The following CNTN5 variants were observed in gnomAD, a reference collection of about 807,000 sequenced individuals.
CNTN5 encodes contactin 5, also known as contactin-5.
Under a neutral mutation model 129.1 loss-of-function variants are expected in CNTN5, and 77 were observed. That is an observed-to-expected ratio of 0.60 (90% CI 0.50 to 0.72). The LOEUF (loss-of-function observed/expected upper bound fraction) is 0.72. CNTN5 is among the 30% of genes least tolerant of loss of function. CNTN5 has a pLI of 0.00. For synonymous variants in CNTN5, 509 were observed against 465.6 expected (o/e 1.09, Z -1.20); for missense variants, 1,478 against 1,328.8 (o/e 1.11, Z -1.75).
chr11:100,278,902 T>C (rs1243324202), intron 18 of CNTN5, among the ~76,000 whole-genome samples: 6 of 151,950 alleles, frequency 3.9e-5, no homozygotes, highest in Non-Finnish European at 7.4e-5. Context: ...AGGAAAGACT[T>C]TCAGTCTTTC....
intron 1 of CNTN5, among the ~76,000 whole-genome samples, chr11:99,209,235 A>T (rs1175387918): frequency 1.3e-5 from 2 of 151,848 alleles, no homozygotes; most frequent in African/African-American, 4.9e-5. Context: ...GTGTTAGGCC[A>T]TTCTTGCCTT....
intron 2 of CNTN5, among the ~76,000 whole-genome samples, chr11:99,399,599 G>A (rs1305272748): frequency 1.6e-4 from 3 of 18,444 alleles, no homozygotes; most frequent in Admixed American, 9.3e-4. Flanking sequence ...GGTATATAAG[G>A]CAAAGGGCTT....
chr11:99,688,268 T>G (rs1953879655), intron 3 of CNTN5, among the ~76,000 whole-genome samples: 2 of 152,160 alleles, frequency 1.3e-5, no homozygotes, highest in African/African-American at 4.8e-5. Context: ...TCTTGAACTC[T>G]TAGCCTTAAG....
At chr11:99,768,122 C>T (rs917285954) in intron 3 of CNTN5, among the ~76,000 whole-genome samples, 2 of 152,140 alleles carry the variant, frequency 1.3e-5, no homozygotes, top group African/African-American at 2.4e-5. Context: ...AAATATCTAC[C>T]ATCTGTCCTT....
chr11:99,910,994 G>A (rs778504352), intron 6 of CNTN5, among the ~76,000 whole-genome samples: 11 of 152,078 alleles, frequency 7.2e-5, no homozygotes, highest in South Asian at 2.1e-4. Flanking sequence ...AAACTTGTCC[G>A]TTGTTTTTAC....
intron 13 of CNTN5, among the ~76,000 whole-genome samples, chr11:100,166,035 C>G (rs1250965697): frequency 2.0e-5 from 3 of 151,664 alleles, no homozygotes; most frequent in Admixed American, 6.6e-5. Flanking sequence ...AGTTTACCTT[C>G]TAAATGATTG....
chr11:99,470,450 T>C (rs1040893981), intron 2 of CNTN5, among the ~76,000 whole-genome samples: 5 of 152,208 alleles, frequency 3.3e-5, no homozygotes, highest in African/African-American at 1.2e-4. Flanking sequence ...TTCATTTATA[T>C]ATTTACTTTG....
At chr11:99,873,978 G>A (rs971300854) in intron 6 of CNTN5, among the ~76,000 whole-genome samples, 8 of 152,010 alleles carry the variant, frequency 5.3e-5, no homozygotes, top group Non-Finnish European at 1.0e-4. Context: ...ATCAAATATT[G>A]CACATTCTCA....
intron 9 of CNTN5, among the ~76,000 whole-genome samples, chr11:100,003,159 T>C (rs1169741785): frequency 1.3e-5 from 2 of 152,142 alleles, no homozygotes; most frequent in Non-Finnish European, 2.9e-5. Context: ...TATATGCAAT[T>C]CTACTTTAAG....
chr11:99,234,590 T>C (rs1861171465), intron 1 of CNTN5, among the ~76,000 whole-genome samples: 1 of 152,102 alleles, frequency 6.6e-6, no homozygotes, highest in Non-Finnish European at 1.5e-5. Flanking sequence ...CCTCCCTCAC[T>C]CTTGAATTAC....
At chr11:99,862,814 C>A (rs117927988) in intron 6 of CNTN5, among the ~76,000 whole-genome samples, 2,294 of 152,050 alleles carry the variant, frequency 0.015, 29 homozygotes, top group South Asian at 0.021. Context: ...GAGAAACTTT[C>A]ACCTACTAAA....
rs891929482 is a variant in CNTN5, at chr11:99,151,922, T to C, written c.-210+130652T>C. Among the ~76,000 whole-genome samples, 4 of 152,226 alleles carry C rather than the reference T, an allele frequency of 2.6e-5. 1 individual carries two copies. The highest frequency in any genetic ancestry group is 9.6e-5 in the African/African-American group (4 of 41,536). The stretch of plus-strand genomic sequence containing the variant: ...GCATTAGGAGAAGACCTAATGTAGA[T>C]GACGGGTTGATGGGTGCAGCAAACC... On this transcript the variant is annotated intron_variant, in intron 1 of 24. Coordinates refer to ENST00000524871, the MANE Select transcript of CNTN5 (RefSeq NM_014361.4).
chr11:99,094,546 G>A (rs747807120), intron 1 of CNTN5, among the ~76,000 whole-genome samples: 3 of 151,958 alleles, frequency 2.0e-5, no homozygotes, highest in East Asian at 1.9e-4. Context: ...GAAACGTCTC[G>A]TAATATCTTA....
chr11:99,312,493 A>T lies in CNTN5; in HGVS notation c.-209-12853A>T, dbSNP rs545775829. Among the ~76,000 whole-genome samples the T allele has an allele frequency of 1.6e-4, 24 of 152,212 alleles. 1 individual carries two copies. The South Asian group carries it at 5.0e-3, about 32-fold the overall frequency. On this transcript the variant is annotated intron_variant, in intron 1 of 24. Coordinates refer to ENST00000524871, the MANE Select transcript of CNTN5 (RefSeq NM_014361.4). ...GCAAGAAATACAATTTTTTCTCCGA[A>T]TGGTAGTTAATTGTTTCTGCTATAA...
In CNTN5 at chr11:100,297,629, G is replaced by A. The variant is rs200874277; in HGVS notation, c.2319G>A (p.Pro773=). ...TCCACCCATTTTTATCCACAGTTCC[G>A]AAGACAGCACCCACCAATGTAAGCG... is the stretch of plus-strand genomic sequence containing the variant. The part of the protein sequence containing the change: ...SRMIRTNEAV[P]KTAPTNVSGR... Residue 773 remains proline, a synonymous_variant, in exon 19 of 25, where the codon CCG becomes CCA. Coordinates refer to ENST00000524871, the MANE Select transcript of CNTN5 (RefSeq NM_014361.4). 58 of 1,605,624 alleles carry A rather than the reference G, an allele frequency of 3.6e-5. No individual in the cohort carries two copies. The highest frequency in any genetic ancestry group is 1.3e-4 in the Admixed American group (8 of 59,280).
chr11:99,884,778 A>G (rs1343882197), intron 6 of CNTN5, among the ~76,000 whole-genome samples: 1 of 152,178 alleles, frequency 6.6e-6, no homozygotes, highest in African/African-American at 2.4e-5. Context: ...GGAATTCAAG[A>G]ACAGCCTGAC....
At chr11:99,708,494 T>C (rs1297159084) in intron 3 of CNTN5, among the ~76,000 whole-genome samples, 5 of 151,734 alleles carry the variant, frequency 3.3e-5, no homozygotes, top group Admixed American at 3.3e-4. Flanking sequence ...AGTCGACAGA[T>C]GCATTAACTT....
intron 8 of CNTN5, among the ~76,000 whole-genome samples, chr11:99,982,539 G>C (rs1017347153): frequency 2.0e-5 from 3 of 152,206 alleles, no homozygotes; most frequent in Non-Finnish European, 2.9e-5. Flanking sequence ...CAGGTATTAT[G>C]AAATCACAGT....
rs923156736 is a variant in CNTN5, at chr11:100,358,557, T to C, written c.*2337T>C. ...CATTCTTATCAAGGTACATTATTTT[T>C]CAGCTACAGTACTGAGTTTTTTCTG... On this transcript the variant is annotated 3_prime_UTR_variant, in exon 25 of 25. Transcript: ENST00000524871. 6.6e-6 allele frequency: 1 copy of C among 151,882 alleles called. No homozygotes were observed. The highest frequency in any genetic ancestry group is 1.5e-5 in the Non-Finnish European group (1 of 67,840). The allele number at this position is 151,882 out of a possible 1,614,324, so 9.4% of individuals were successfully genotyped here.
Sources: gnomAD v4.1 joint callset for allele counts (sites outside exome capture counted in the v4.1 genomes callset) on GRCh38, gnomAD v4.1.1 for gene constraint, MANE v1.5 for transcripts, NCBI Gene and HGNC (gene_info 2026-07-23, HGNC 2026-07-21) for gene names.